The following CNTN1 variants were observed in gnomAD, a reference collection of about 807,000 sequenced individuals.
CNTN1 encodes the protein contactin-1.
Under a neutral mutation model 126.4 loss-of-function variants are expected in CNTN1, and 38 were observed. The observed-to-expected ratio is 0.30, with a 90% CI of 0.23 to 0.39. The LOEUF (loss-of-function observed/expected upper bound fraction) is 0.39, where lower values mean the gene tolerates loss of function less well. CNTN1 is among the 10% of genes least tolerant of loss of function. The pLI is 1.00. For synonymous variants in CNTN1, 413 were observed against 422.6 expected, an observed-to-expected ratio of 0.98 and a Z score of 0.28; for missense variants, 1,009 against 1,248.4, an observed-to-expected ratio of 0.81 and a Z score of 2.89.
At chr12:41,057,456 A>G (rs1949851370) in intron 23 of CNTN1, among the ~76,000 whole-genome samples, 1 of 151,884 alleles carries the variant, frequency 6.6e-6, no homozygotes, top group Admixed American at 6.6e-5. Context: ...ATGTGCAACT[A>G]ATTTAGCTCG....
intron 14 of CNTN1, among the ~76,000 whole-genome samples, chr12:40,945,091 G>A (rs1345265502): frequency 6.6e-6 from 1 of 151,992 alleles, no homozygotes; most frequent in African/African-American, 2.4e-5. Context: ...TAGAAGAGTT[G>A]TAATTTAACT....
intron 23 of CNTN1, among the ~76,000 whole-genome samples, chr12:41,038,318 C>A (rs80291775): frequency 0.079 from 12,054 of 152,050 alleles, 673 homozygotes; most frequent in African/African-American, 0.15. Flanking sequence ...GCTGTCATGA[C>A]AGTACACAGA....
At chr12:40,936,955 G>A in intron 10 of CNTN1, 50 bp downstream of exon 10, 1 of 1,608,222 alleles carries the variant, frequency 6.2e-7, no homozygotes, top group Non-Finnish European at 8.5e-7. Context: ...TTCAAGCAGT[G>A]TTTCAGGGTA....
chr12:40,749,431 T>C (rs951313868), intron 1 of CNTN1, among the ~76,000 whole-genome samples: 3 of 152,244 alleles, frequency 2.0e-5, no homozygotes, highest in Non-Finnish European at 4.4e-5. Flanking sequence ...TGTATGTTAG[T>C]ACTACTTGAG....
chr12:40,712,466 C>A (rs1276442004), intron 1 of CNTN1, among the ~76,000 whole-genome samples: 1 of 151,936 alleles, frequency 6.6e-6, no homozygotes, highest in African/African-American at 2.4e-5. Flanking sequence ...GATAGTAATG[C>A]TTGGTTCTTA....
intron 1 of CNTN1, among the ~76,000 whole-genome samples, chr12:40,903,388 CTTT>C (rs112301816): frequency 1.5e-4 from 20 of 130,812 alleles, no homozygotes; most frequent in Admixed American, 1.5e-4. Flanking sequence ...GTCAGAGTTG[CTTT>C]TTTTTTTTTT....
chr12:40,694,532 T>G (rs546225038), intron 1 of CNTN1, among the ~76,000 whole-genome samples: 7 of 152,174 alleles, frequency 4.6e-5, no homozygotes, highest in Non-Finnish European at 8.8e-5. Context: ...AGAATACTTT[T>G]TAGCTTCCCA....
At chr12:41,055,536 T>C (rs1202654328) in intron 23 of CNTN1, among the ~76,000 whole-genome samples, 1 of 152,098 alleles carries the variant, frequency 6.6e-6, no homozygotes, top group East Asian at 1.9e-4. Context: ...ACAGTTGTGG[T>C]TTACTATCAT....
chr12:40,952,264 G>A (rs1946717909), intron 14 of CNTN1, among the ~76,000 whole-genome samples: 1 of 151,918 alleles, frequency 6.6e-6, no homozygotes, highest in South Asian at 2.1e-4. Flanking sequence ...TCTAAAATGG[G>A]AATATTAATA....
intron 1 of CNTN1, among the ~76,000 whole-genome samples, chr12:40,731,184 T>C (rs1942490789): frequency 6.6e-6 from 1 of 152,038 alleles, no homozygotes; most frequent in Admixed American, 6.6e-5. Context: ...AGACCAATCC[T>C]TGGCAAGACA....
chr12:40,813,683 C>A (rs1201773927), intron 1 of CNTN1, among the ~76,000 whole-genome samples: 1 of 152,020 alleles, frequency 6.6e-6, no homozygotes, highest in Non-Finnish European at 1.5e-5. Context: ...ATAATAGAAT[C>A]ATTTATATTC....
chr12:41,063,624 T>C (rs759091277), intron 23 of CNTN1, among the ~76,000 whole-genome samples: 12 of 152,218 alleles, frequency 7.9e-5, no homozygotes, highest in Admixed American at 2.0e-4. Context: ...TCTTCTTACA[T>C]GGCCCTGCTT....
chr12:40,950,979 T>C (rs576309422), intron 14 of CNTN1, among the ~76,000 whole-genome samples: 2 of 151,968 alleles, frequency 1.3e-5, no homozygotes, highest in South Asian at 4.2e-4. Flanking sequence ...ATATAATATA[T>C]AAAATGTCCA....
At chr12:40,721,074 T>C (rs1161769878) in intron 1 of CNTN1, among the ~76,000 whole-genome samples, 1 of 152,048 alleles carries the variant, frequency 6.6e-6, no homozygotes, top group Non-Finnish European at 1.5e-5. Flanking sequence ...GAAATATGTT[T>C]TTTCTCATTT....
At chr12:40,707,952 T>C (rs1377509177) in intron 1 of CNTN1, among the ~76,000 whole-genome samples, 1 of 152,230 alleles carries the variant, frequency 6.6e-6, no homozygotes. Flanking sequence ...ATAACTGTTA[T>C]CAAAAATTGA....
intron 1 of CNTN1, among the ~76,000 whole-genome samples, chr12:40,749,783 A>G (rs898085332): frequency 2.1e-5 from 2 of 96,492 alleles, no homozygotes; most frequent in Non-Finnish European, 4.8e-5. Flanking sequence ...AAGTAAATCT[A>G]TATGTCGTGG....
At chr12:40,833,445 CAAACCTAAATAATA>C (rs1479035033) in intron 1 of CNTN1, among the ~76,000 whole-genome samples, 1 of 152,016 alleles carries the variant, frequency 6.6e-6, no homozygotes, top group African/African-American at 2.4e-5. Flanking sequence ...TTGTCTTTAA[CAAACCTAAATAATA>C]AAACCTACAT....
chr12:40,706,644 T>C (rs1318736344), intron 1 of CNTN1, among the ~76,000 whole-genome samples: 1 of 152,166 alleles, frequency 6.6e-6, no homozygotes, highest in Admixed American at 6.5e-5. Flanking sequence ...AAGAGAATAT[T>C]TTAGAAATGT....
chr12:40,949,013 A>G (rs1566016455), intron 14 of CNTN1, among the ~76,000 whole-genome samples: 1 of 152,206 alleles, frequency 6.6e-6, no homozygotes, highest in South Asian at 2.1e-4. Context: ...AGAGAAGAAG[A>G]CAGATTTCTC....
Sources: allele counts gnomAD v4.1 joint callset (sites outside exome capture counted in the v4.1 genomes callset), GRCh38; gene constraint gnomAD v4.1.1; transcripts MANE v1.5; gene names NCBI Gene and HGNC (gene_info 2026-07-23, HGNC 2026-07-21).